The following FGF7 variants were observed in gnomAD, a reference collection of about 807,000 sequenced individuals.
FGF7 encodes FGF-7.
Under a neutral mutation model 20.5 loss-of-function variants are expected in FGF7, and 6 were observed. That is an observed-to-expected ratio of 0.29 (90% CI 0.16 to 0.58). The LOEUF (loss-of-function observed/expected upper bound fraction) is 0.58. Ranked by LOEUF, FGF7 falls within the 20% of genes least tolerant of loss-of-function variation. The probability of loss-of-function intolerance (pLI) is 0.90; values close to 1 mark genes in which losing one functional copy is unlikely to be tolerated. For missense variants in FGF7, 144 were observed against 228.8 expected (o/e 0.63, Z 2.39); for synonymous variants, 64 against 74.7 (o/e 0.86, Z 0.74).
chr15:49,427,603 G>A (rs2050237165), intron 2 of FGF7, among the ~76,000 whole-genome samples: 1 of 151,876 alleles, frequency 6.6e-6, no homozygotes, highest in African/African-American at 2.4e-5. Context: ...TATTCTTCTG[G>A]TTACCAAAAG....
intron 2 of FGF7, among the ~76,000 whole-genome samples, chr15:49,430,412 C>T (rs1025419519): frequency 4.0e-5 from 6 of 151,832 alleles, no homozygotes; most frequent in African/African-American, 1.5e-4. Context: ...CTCATGGCCA[C>T]ACAACCAAGT....
At chr15:49,471,041 A>G (rs2054694459) in intron 2 of FGF7, among the ~76,000 whole-genome samples, 1 of 152,180 alleles carries the variant, frequency 6.6e-6, no homozygotes, top group African/African-American at 2.4e-5. Context: ...AGTAGATGTG[A>G]AAGTGAAAAG....
At chr15:49,452,370 T>C (rs11634786) in intron 2 of FGF7, among the ~76,000 whole-genome samples, 86,477 of 151,938 alleles carry the variant, frequency 0.57, 24,816 homozygotes, top group Admixed American at 0.64. Flanking sequence ...GAATTTTAAA[T>C]GCCAGTTACC....
chr15:49,446,622 G>GA (rs34550202), intron 2 of FGF7, among the ~76,000 whole-genome samples: 2 of 151,320 alleles, frequency 1.3e-5, no homozygotes, highest in African/African-American at 4.8e-5. Flanking sequence ...AACAAAATGT[G>GA]AAAAAAAGGT....
At position 49,484,474 on chromosome 15, in the gene FGF7, A is replaced by G. The variant is rs1413531200; in HGVS notation, c.555A>G (p.Thr185=). The G allele has an allele frequency of 1.3e-6, 2 of 1,571,460 alleles. No homozygotes were observed. Among genetic ancestry groups the G allele is most frequent in the Non-Finnish European group, 1.7e-6 (2 of 1,167,984 alleles). ...RGKKTKKEQK[T]AHFLPMAIT is the part of the protein sequence containing the mutation. Reference sequence around the variant, plus strand: ...AAAAAACGAAGAAAGAACAAAAAACAGCCCACTTTCTTCCTATGGCAATAA... The same window carrying G: ...AAAAAACGAAGAAAGAACAAAAAACGGCCCACTTTCTTCCTATGGCAATAA... The change falls in exon 4 of 4, where the codon ACA becomes ACG. Residue 185 remains threonine, a synonymous_variant. Transcript: ENST00000267843.
At chr15:49,456,247 C>G (rs963565760) in intron 2 of FGF7, among the ~76,000 whole-genome samples, 2 of 151,876 alleles carry the variant, frequency 1.3e-5, no homozygotes, top group African/African-American at 2.4e-5. Flanking sequence ...AATTATTACC[C>G]CAGTTCCCAA....
At chr15:49,467,038 A>G (rs913884483) in intron 2 of FGF7, among the ~76,000 whole-genome samples, 2 of 152,184 alleles carry the variant, frequency 1.3e-5, no homozygotes, top group African/African-American at 4.8e-5. Context: ...GTTTAGAATT[A>G]TCTTATGCCT....
In FGF7 at chr15:49,433,303, G is replaced by T. The variant is rs539949218; in HGVS notation, c.286+8720G>T. Reference sequence around the variant, plus strand: ...ATTTGGCACTGTCACTAGAATGTCAGTTCTGAGAAAATAAGTACCATATCT... The same window carrying T: ...ATTTGGCACTGTCACTAGAATGTCATTTCTGAGAAAATAAGTACCATATCT... On this transcript the variant is annotated intron_variant, in intron 2 of 3. Transcript: ENST00000267843. Among the ~76,000 whole-genome samples the T allele has an allele frequency of 4.0e-5, 6 of 151,544 alleles. No individual in the cohort carries two copies. The South Asian group carries it at 1.0e-3, about 26-fold the overall frequency.
chr15:49,481,311 T>C (rs1312925738), intron 2 of FGF7, among the ~76,000 whole-genome samples: 1 of 152,234 alleles, frequency 6.6e-6, no homozygotes, highest in Non-Finnish European at 1.5e-5. Context: ...GTATTGCAAA[T>C]ATGTTGAATC....
rs1215116131 is a variant in FGF7 at position 49,487,624 on chromosome 15, T to C, written c.*3120T>C. ...CCTAGCTGTAGTAAAAGCAATCCTA[T>C]AACAAGAAAAACTCTAAAACAGTGC... On this transcript the variant is annotated 3_prime_UTR_variant, in exon 4 of 4. Transcript: ENST00000267843. 3.3e-5 allele frequency: 5 copies of C among 151,830 alleles called. No individual in the cohort carries two copies. The highest frequency in any genetic ancestry group is 4.8e-5 in the African/African-American group (2 of 41,360). 9.4% of individuals were successfully genotyped at this position (151,830 alleles called of 1,614,324 possible).
chr15:49,476,214 T>A (rs1181267872), intron 2 of FGF7, among the ~76,000 whole-genome samples: 1 of 128,042 alleles, frequency 7.8e-6, no homozygotes, highest in African/African-American at 2.8e-5. Flanking sequence ...ATTTTGCTGT[T>A]TTGTTTTTTT....
At chr15:49,443,838 T>C (rs1395870893) in intron 2 of FGF7, among the ~76,000 whole-genome samples, 2 of 151,762 alleles carry the variant, frequency 1.3e-5, no homozygotes, top group African/African-American at 4.8e-5. Flanking sequence ...ATTATTTATA[T>C]GCTTGTGTGC....
intron 2 of FGF7, among the ~76,000 whole-genome samples, chr15:49,471,622 T>C (rs1464276691): frequency 6.6e-6 from 1 of 152,028 alleles, no homozygotes; most frequent in Non-Finnish European, 1.5e-5. Context: ...CTTGTTTTAT[T>C]CAAAAATGGA....
At position 49,486,353 on chromosome 15, in the gene FGF7, T is replaced by C. The variant is rs1185942518; in HGVS notation, c.*1849T>C. The C allele has an allele frequency of 2.0e-5, 3 of 152,002 alleles. No homozygotes were observed. Among genetic ancestry groups the C allele is most frequent in the African/African-American group, 7.2e-5 (3 of 41,422 alleles). 9.4% of individuals were successfully genotyped at this position (152,002 alleles called of 1,614,324 possible). On this transcript the variant is annotated 3_prime_UTR_variant, in exon 4 of 4. Transcript: ENST00000267843. ...AGAGCATGAATGGTATTCTGAACTA[T>C]CACCTGATTCAAGGACTTTGCTAGC... is the stretch of plus-strand genomic sequence containing the variant.
At chr15:49,450,197 A>G (rs963291321) in intron 2 of FGF7, among the ~76,000 whole-genome samples, 2 of 152,154 alleles carry the variant, frequency 1.3e-5, no homozygotes, top group African/African-American at 4.8e-5. Flanking sequence ...TTTAGTTTCT[A>G]TATCAAGACT....
chr15:49,462,415 T>C (rs1318505954), intron 2 of FGF7, among the ~76,000 whole-genome samples: 3 of 152,224 alleles, frequency 2.0e-5, no homozygotes, highest in African/African-American at 7.2e-5. Context: ...TTGTACTCAC[T>C]AGAGAGCTGG....
chr15:49,433,268 TTC>T (rs1465592248), intron 2 of FGF7, among the ~76,000 whole-genome samples: 1 of 151,614 alleles, frequency 6.6e-6, no homozygotes, highest in Non-Finnish European at 1.5e-5. Context: ...TTATGATTCT[TTC>T]TGTTTGCATT....
At chr15:49,463,271 C>T (rs186729878) in intron 2 of FGF7, among the ~76,000 whole-genome samples, 4 of 152,178 alleles carry the variant, frequency 2.6e-5, no homozygotes, top group Non-Finnish European at 4.4e-5. Context: ...AATTCAAATT[C>T]GGCCAGGCAC....
intron 2 of FGF7, among the ~76,000 whole-genome samples, chr15:49,471,081 C>T (rs1369693538): frequency 3.9e-5 from 6 of 152,020 alleles, no homozygotes; most frequent in Non-Finnish European, 7.4e-5. Context: ...TATGCTACAG[C>T]TTATTAGAAA....
Sources: gnomAD v4.1 joint callset for allele counts (sites outside exome capture counted in the v4.1 genomes callset) on GRCh38, gnomAD v4.1.1 for gene constraint, MANE v1.5 for transcripts, NCBI Gene and HGNC (gene_info 2026-07-23, HGNC 2026-07-21) for gene names.